Variants in DCAF6 observed in about 807,000 individuals in gnomAD.
DCAF6 encodes the protein DDB1- and CUL4-associated factor 6.
A neutral mutation model predicts 125.1 loss-of-function variants in DCAF6; 54 were observed. That is an observed-to-expected ratio of 0.43 (90% confidence interval 0.35 to 0.54). The LOEUF is 0.54. Among genes scored for constraint, DCAF6 ranks in the 20% least tolerant of loss-of-function variants. DCAF6 has a pLI of 0.01. For missense variants in DCAF6, 934 were observed against 1,161.7 expected, an observed-to-expected ratio of 0.80 and a Z score of 2.85; for synonymous variants, 371 against 390.4, an observed-to-expected ratio of 0.95 and a Z score of 0.58.
At chr1:168,074,224 T>A (rs1258664097) in intron 21 of DCAF6, among the ~76,000 whole-genome samples, 3 of 152,040 alleles carry the variant, frequency 2.0e-5, no homozygotes, top group African/African-American at 7.2e-5. Context: ...GCTGTTGACC[T>A]AGGATCCAGT....
chr1:167,891,463 T>C, the DCAF6 span, among the ~76,000 whole-genome samples: 1 of 151,544 alleles, frequency 6.6e-6, no homozygotes, highest in African/African-American at 2.4e-5. Context: ...GAGACCATCC[T>C]GGCTAACACG....
intron 10 of DCAF6, 35 bp from the exon 11 acceptor site, chr1:168,015,746 C>T: frequency 7.2e-7 from 1 of 1,389,796 alleles, no homozygotes; most frequent in Non-Finnish European, 9.4e-7. Flanking sequence ...TATTTTATTA[C>T]TGTCTTTTCA....
In DCAF6 at chr1:168,023,047, G is replaced by A. The variant is rs1685859750; in HGVS notation, c.1609G>A (p.Asp537Asn). The A allele has an allele frequency of 1.2e-6, 2 of 1,614,086 alleles. No homozygotes were observed. The highest frequency in any genetic ancestry group is 2.7e-5 in the African/African-American group (2 of 75,056). The change falls in exon 12 of 22, where the codon GAT (aspartate) becomes AAT (asparagine). Residue 537 changes from aspartate to asparagine, a missense_variant and splice_region_variant. Asp to Asn is a conservative substitution (Grantham distance 23, BLOSUM62 1). This residue lies in a region of DCAF6 where 559 missense variants were observed against 635.5 expected (regional missense o/e 0.88). Transcript: ENST00000367840. ...ATCCATGTCACTTGACGAGCAACAG[G>A]GTGCGTGCAACAGGAGATGCGCTAT... ...LGSMSLDEQQ[D>N]NNNEKLSPKP...
chr1:167,891,481 C>G, the DCAF6 span, among the ~76,000 whole-genome samples: 27 of 151,486 alleles, frequency 1.8e-4, no homozygotes, highest in African/African-American at 6.0e-4. Context: ...ACGGTGAAAC[C>G]CTGTCTCTAC....
the DCAF6 span, among the ~76,000 whole-genome samples, chr1:167,915,126 T>A: frequency 1.3e-5 from 2 of 152,204 alleles, no homozygotes; most frequent in East Asian, 3.8e-4. Flanking sequence ...TTGAGGTCCA[T>A]CCTCATTAAC....
At chr1:168,009,530 C>A (rs923693489) in intron 10 of DCAF6, among the ~76,000 whole-genome samples, 3 of 149,978 alleles carry the variant, frequency 2.0e-5, no homozygotes, top group African/African-American at 4.9e-5. Flanking sequence ...TTCCTCCATC[C>A]CTTCTTTCCT....
intron 4 of DCAF6, among the ~76,000 whole-genome samples, chr1:167,980,915 T>G (rs1191621791): frequency 1.4e-5 from 2 of 141,278 alleles, no homozygotes; most frequent in Non-Finnish European, 3.1e-5. Context: ...CTCTGAATTT[T>G]CTTTTTTTTT....
intron 13 of DCAF6, among the ~76,000 whole-genome samples, chr1:168,039,677 T>C (rs898442311): frequency 2.0e-5 from 3 of 147,494 alleles, no homozygotes; most frequent in Non-Finnish European, 3.0e-5. Context: ...AATATATTAA[T>C]ATATTAATAT....
At chr1:167,895,559 A>G in the DCAF6 span, among the ~76,000 whole-genome samples, 1 of 152,192 alleles carries the variant, frequency 6.6e-6, no homozygotes, top group African/African-American at 2.4e-5. Context: ...TAAAGTTCAG[A>G]TACGTTAATA....
chr1:167,965,941 G>A (rs115458032), intron 2 of DCAF6, among the ~76,000 whole-genome samples: 1,670 of 152,176 alleles, frequency 0.011, 18 homozygotes, highest in Non-Finnish European at 0.016. Flanking sequence ...GGCCTTCCCT[G>A]GAGTTTTTAA....
At chr1:167,864,247 G>A in the DCAF6 span, among the ~76,000 whole-genome samples, 1,068 of 152,240 alleles carry the variant, frequency 7.0e-3, 11 homozygotes, top group African/African-American at 0.024. Flanking sequence ...TTGTCTCGAA[G>A]AAACATGGGT....
chr1:167,938,043 G>A (rs957600675), intron 1 of DCAF6, among the ~76,000 whole-genome samples: 1 of 152,142 alleles, frequency 6.6e-6, no homozygotes, highest in Non-Finnish European at 1.5e-5. Context: ...AGAAAAGTTA[G>A]CATGCAATTT....
intron 16 of DCAF6, among the ~76,000 whole-genome samples, chr1:168,050,170 C>A (rs1689731300): frequency 6.6e-6 from 1 of 151,386 alleles, no homozygotes; most frequent in Non-Finnish European, 1.5e-5. Flanking sequence ...ACAATTTTTT[C>A]CCTAAAGAGT....
chr1:167,924,060 C>G, the DCAF6 span, among the ~76,000 whole-genome samples: 2 of 152,170 alleles, frequency 1.3e-5, no homozygotes, highest in Non-Finnish European at 1.5e-5. Context: ...TCTCATTTAC[C>G]AAATGCTAAT....
the DCAF6 span, among the ~76,000 whole-genome samples, chr1:167,872,609 T>C: frequency 6.6e-6 from 1 of 151,884 alleles, no homozygotes; most frequent in Non-Finnish European, 1.5e-5. Flanking sequence ...TTGTCAACCA[T>C]GCTGTTGCAA....
intron 10 of DCAF6, among the ~76,000 whole-genome samples, chr1:168,008,129 C>G (rs1683619148): frequency 6.6e-6 from 1 of 151,838 alleles, no homozygotes; most frequent in African/African-American, 2.4e-5. Context: ...GCCACCACAC[C>G]CAGCAAATTT....
chr1:168,043,990 G>T (rs1688849512), intron 14 of DCAF6, among the ~76,000 whole-genome samples: 1 of 152,152 alleles, frequency 6.6e-6, no homozygotes, highest in Non-Finnish European at 1.5e-5. Flanking sequence ...GCAGGATCAG[G>T]TAATTTCAGC....
At chr1:167,910,394 A>T in the DCAF6 span, among the ~76,000 whole-genome samples, 1 of 152,194 alleles carries the variant, frequency 6.6e-6, no homozygotes, top group African/African-American at 2.4e-5. Context: ...TAAGTCAGAA[A>T]ATTATGACAT....
chr1:168,000,780 GT>G lies in DCAF6; in HGVS notation c.904-1699del, dbSNP rs76574213. Reference sequence around the variant, plus strand: ...TATTGTATGATTATTTATATGAAATGTTTAGAAAAGGCATATCCACAGAGAC... The same window carrying G: ...TATTGTATGATTATTTATATGAAATGTTAGAAAAGGCATATCCACAGAGAC... On this transcript the variant is annotated intron_variant, in intron 7 of 21. Coordinates refer to ENST00000367840, the MANE Select transcript of DCAF6 (RefSeq NM_001198956.2). 4.5e-3 allele frequency among the ~76,000 whole-genome samples: 690 copies of G among 152,162 alleles called. 8 individuals are homozygous for G. The East Asian group carries it at 0.057, about 13-fold the overall frequency.
Sources: allele counts gnomAD v4.1 joint callset (sites outside exome capture counted in the v4.1 genomes callset), GRCh38; gene constraint gnomAD v4.1.1; regional missense constraint gnomAD v4.1.1; transcripts MANE v1.5; gene names NCBI Gene and HGNC (gene_info 2026-07-23, HGNC 2026-07-21).